Variants in NRCAM observed in about 807,000 individuals in gnomAD.
The protein encoded by NRCAM is NgCAM-related cell adhesion molecule.
NRCAM carries 83 observed loss-of-function variants against 156.5 expected under a neutral mutation model. That is an observed-to-expected ratio of 0.53 (90% confidence interval 0.44 to 0.64). The LOEUF (loss-of-function observed/expected upper bound fraction) is 0.64, where lower values mean the gene tolerates loss of function less well. NRCAM is among the 30% of genes least tolerant of loss of function. The pLI, the probability that NRCAM is intolerant of heterozygous loss-of-function variation, is 0.00. For synonymous variants in NRCAM, 538 were observed against 563.9 expected (o/e 0.95, Z 0.65); for missense variants, 1,417 against 1,597.3 (o/e 0.89, Z 1.92).
chr7:108,320,857 A>G (rs1010356006), intron 2 of NRCAM, among the ~76,000 whole-genome samples: 3 of 152,266 alleles, frequency 2.0e-5, no homozygotes, highest in African/African-American at 4.8e-5. Context: ...ATATATGGTA[A>G]TAAGAAAAAC....
chr7:108,452,799 G>A (rs1851982866), intron 1 of NRCAM, among the ~76,000 whole-genome samples: 1 of 152,074 alleles, frequency 6.6e-6, no homozygotes, highest in African/African-American at 2.4e-5. Flanking sequence ...CAGATGGTAG[G>A]TACTCTTTGA....
At chr7:108,198,515 T>C (rs1305124212) in intron 13 of NRCAM, among the ~76,000 whole-genome samples, 1 of 152,034 alleles carries the variant, frequency 6.6e-6, no homozygotes, top group Non-Finnish European at 1.5e-5. Context: ...GAAAAAAAAC[T>C]CTTACAAGTT....
intron 3 of NRCAM, among the ~76,000 whole-genome samples, chr7:108,282,454 C>T (rs1446416820): frequency 1.3e-5 from 2 of 152,060 alleles, no homozygotes; most frequent in African/African-American, 4.8e-5. Flanking sequence ...TTTTGCTTAC[C>T]TGGAACTTGC....
intron 2 of NRCAM, among the ~76,000 whole-genome samples, chr7:108,386,827 T>C (rs1435180343): frequency 6.6e-6 from 1 of 152,152 alleles, no homozygotes; most frequent in Admixed American, 6.6e-5. Flanking sequence ...TGTTTGAATT[T>C]CTAGGAGGTA....
At chr7:108,445,951 C>T (rs1843678081) in intron 1 of NRCAM, among the ~76,000 whole-genome samples, 1 of 152,140 alleles carries the variant, frequency 6.6e-6, no homozygotes, top group African/African-American at 2.4e-5. Flanking sequence ...CTTCATTTTT[C>T]ATTTCAGTTC....
In NRCAM at chr7:108,226,196, C is replaced by CG; in HGVS notation, c.721+11_721+12insC. ...GTCATTGAAGGGGAGATTTGGGAAG[C>CG]TGAACTCTTACCTGAAATCACCTTC... On this transcript the variant is annotated intron_variant, in intron 9 of 32. Transcript: ENST00000379028. 1.3e-6 allele frequency: 2 copies of CG among 1,565,394 alleles called. No homozygotes were observed. The highest frequency in any genetic ancestry group is 1.7e-6 in the Non-Finnish European group (2 of 1,157,610).
At chr7:108,245,030 C>T (rs539247308) in intron 3 of NRCAM, among the ~76,000 whole-genome samples, 2 of 152,300 alleles carry the variant, frequency 1.3e-5, no homozygotes, top group East Asian at 3.9e-4. Flanking sequence ...GTGCCAGGCA[C>T]AGCGATGAGT....
chr7:108,435,366 A>G (rs10239916), intron 1 of NRCAM, among the ~76,000 whole-genome samples: 145,181 of 152,260 alleles, frequency 0.95, 69,272 homozygotes, highest in East Asian at 1. Flanking sequence ...GAAAAACACA[A>G]AGGAAAAAGT....
intron 1 of NRCAM, among the ~76,000 whole-genome samples, chr7:108,453,637 T>C (rs905138322): frequency 6.6e-6 from 1 of 152,222 alleles, no homozygotes; most frequent in African/African-American, 2.4e-5. Flanking sequence ...CTAAAATTCC[T>C]GGATTATGTA....
At position 108,300,858 on chromosome 7, in the gene NRCAM, A is replaced by C. The variant is rs113392167; in HGVS notation, c.-107+11807T>G. ...ATACTCAATACAACTCAATAACAGA[A>C]AGCTTTTTAAAAAAATTACGTTTTT... On this transcript the variant is annotated intron_variant, in intron 3 of 32. Coordinates refer to ENST00000379028, the MANE Select transcript of NRCAM (RefSeq NM_001037132.4). Among the ~76,000 whole-genome samples the C allele has an allele frequency of 2.0e-5, 3 of 152,122 alleles. No homozygotes were observed. The East Asian group carries it at 5.8e-4, about 29-fold the overall frequency.
chr7:108,167,088 C>T lies in NRCAM; in HGVS notation c.3314-15G>A. On this transcript the variant is annotated splice_polypyrimidine_tract_variant and intron_variant, in intron 29 of 32. Transcript: ENST00000379028. ...TTCTTCTTTGCCTATGGAAATTTTGCAAAAACAACACATTTGAATATTTTA... is the reference window on the plus strand; with the variant it reads ...TTCTTCTTTGCCTATGGAAATTTTGTAAAAACAACACATTTGAATATTTTA... 2 of 1,603,828 alleles carry T rather than the reference C, an allele frequency of 1.2e-6. No homozygotes were observed. The highest frequency in any genetic ancestry group is 8.5e-7 in the Non-Finnish European group (1 of 1,173,942).
In NRCAM at chr7:108,166,823, A is replaced by G. The variant is rs915057358; in HGVS notation, c.3466+98T>C. The G allele has an allele frequency of 3.4e-5, 38 of 1,123,460 alleles. No homozygotes were observed. In the Admixed American group the frequency reaches 8.8e-4, roughly 26 times the overall value. 69.6% of individuals were successfully genotyped at this position (1,123,460 alleles called of 1,614,324 possible). On this transcript the variant is annotated intron_variant, in intron 30 of 32. Transcript: ENST00000379028. ...CCCCATAGAAAGACATTCATGCCCT[A>G]CCCATAACACAGCTCCACCAGCCCC... is the stretch of plus-strand genomic sequence containing the variant.
At chr7:108,368,367 A>AT (rs2099607059) in intron 2 of NRCAM, among the ~76,000 whole-genome samples, 1 of 152,114 alleles carries the variant, frequency 6.6e-6, no homozygotes, top group African/African-American at 2.4e-5. Context: ...AGTGAAGTTT[A>AT]TTAAACCTTG....
At chr7:108,150,517 A>G (rs2040706304) in intron 32 of NRCAM, among the ~76,000 whole-genome samples, 1 of 152,226 alleles carries the variant, frequency 6.6e-6, no homozygotes, top group Admixed American at 6.5e-5. Flanking sequence ...TATGGCAAGT[A>G]AAGAAGTTAG....
At chr7:108,340,594 C>G (rs539300817) in intron 2 of NRCAM, among the ~76,000 whole-genome samples, 15 of 152,284 alleles carry the variant, frequency 9.9e-5, no homozygotes, top group Non-Finnish European at 1.5e-4. Flanking sequence ...TCCCAGTGTA[C>G]ACCCTCACTG....
At position 108,232,946 on chromosome 7, in the gene NRCAM, T is replaced by C. The variant is rs186308323; in HGVS notation, c.231-424A>G. The stretch of plus-strand genomic sequence containing the variant: ...GTGACAAGACCTCTGCAAGTACTAT[T>C]TATATATGATGAAAATTGATCAGAC... On this transcript the variant is annotated intron_variant, in intron 6 of 32. Transcript: ENST00000379028. Among the ~76,000 whole-genome samples the C allele has an allele frequency of 2.5e-4, 38 of 152,262 alleles. No individual in the cohort carries two copies. In the East Asian group the frequency reaches 7.3e-3, roughly 29 times the overall value.
intron 32 of NRCAM, among the ~76,000 whole-genome samples, chr7:108,155,732 T>C (rs1314385746): frequency 1.3e-5 from 2 of 152,126 alleles, no homozygotes; most frequent in Non-Finnish European, 2.9e-5. Flanking sequence ...TAGGCACTCA[T>C]AAATACTGGC....
At chr7:108,262,042 TC>T (rs1208490262) in intron 3 of NRCAM, among the ~76,000 whole-genome samples, 1 of 151,916 alleles carries the variant, frequency 6.6e-6, no homozygotes, top group Non-Finnish European at 1.5e-5. Flanking sequence ...TTTCTTCCAC[TC>T]CCCCTTTCTG....
intron 2 of NRCAM, among the ~76,000 whole-genome samples, chr7:108,358,087 T>A (rs1233353951): frequency 6.6e-6 from 1 of 152,092 alleles, no homozygotes; most frequent in African/African-American, 2.4e-5. Flanking sequence ...TCAAATGGTC[T>A]TTAGCTACAC....
Sources: allele counts gnomAD v4.1 joint callset (sites outside exome capture counted in the v4.1 genomes callset), GRCh38; gene constraint gnomAD v4.1.1; transcripts MANE v1.5; gene names NCBI Gene and HGNC (gene_info 2026-07-23, HGNC 2026-07-21).